ZFYVE28: variants seen among roughly 807,000 people sequenced by gnomAD.
The protein encoded by ZFYVE28 is zinc finger FYVE-type containing 28.
ZFYVE28 carries 40 observed loss-of-function variants against 82.1 expected under a neutral mutation model. The ratio of observed to expected loss-of-function variants is 0.49; its 90% confidence interval spans 0.38 to 0.63. The LOEUF (loss-of-function observed/expected upper bound fraction) is 0.63, where lower values mean the gene tolerates loss of function less well. ZFYVE28 is among the 30% of genes least tolerant of loss of function. The pLI is 0.00. For missense variants in ZFYVE28, 1,321 were observed against 1,242.1 expected, an observed-to-expected ratio of 1.06 and a Z score of -0.96; for synonymous variants, 612 against 546.1, an observed-to-expected ratio of 1.12 and a Z score of -1.68.
intron 7 of ZFYVE28, among the ~76,000 whole-genome samples, chr4:2,308,610 GAA>G (rs1298566984): frequency 1.5e-5 from 2 of 131,194 alleles, no homozygotes; most frequent in East Asian, 2.2e-4. Flanking sequence ...CAGAGAGAGA[GAA>G]AGAAAGAAAG....
At chr4:2,405,058 A>T (rs1731713722) in intron 1 of ZFYVE28, among the ~76,000 whole-genome samples, 1 of 152,016 alleles carries the variant, frequency 6.6e-6, no homozygotes, top group African/African-American at 2.4e-5. Context: ...AAAGATTAAA[A>T]TATATATATA....
chr4:2,290,228 C>T (rs1350950583), intron 8 of ZFYVE28, among the ~76,000 whole-genome samples: 1 of 152,212 alleles, frequency 6.6e-6, no homozygotes, highest in Non-Finnish European at 1.5e-5. Context: ...ATGGGGATGG[C>T]CCGGCAGTCC....
At chr4:2,345,870 G>A (rs1261278755) in intron 2 of ZFYVE28, among the ~76,000 whole-genome samples, 2 of 152,098 alleles carry the variant, frequency 1.3e-5, no homozygotes, top group Non-Finnish European at 1.5e-5. Context: ...ATACAAGTGA[G>A]AAGAGAATGA....
intron 7 of ZFYVE28, among the ~76,000 whole-genome samples, chr4:2,308,454 C>G (rs1463424493): frequency 7.1e-6 from 1 of 140,656 alleles, no homozygotes; most frequent in East Asian, 2.2e-4. Flanking sequence ...CCCCTTGCAT[C>G]TCCACATGCA....
chr4:2,301,206 G>A (rs917920716), intron 8 of ZFYVE28, among the ~76,000 whole-genome samples: 1 of 152,138 alleles, frequency 6.6e-6, no homozygotes, highest in Non-Finnish European at 1.5e-5. Context: ...GTGGGTCTCC[G>A]GTGCTTGGCC....
chr4:2,352,429 G>A (rs934517514), intron 2 of ZFYVE28, among the ~76,000 whole-genome samples: 19 of 151,870 alleles, frequency 1.3e-4, no homozygotes, highest in African/African-American at 3.1e-4. Context: ...AGGGGGAGGC[G>A]TGGAAGAGGG....
At position 2,372,820 on chromosome 4, in the gene ZFYVE28, C is replaced by G. The variant is rs1727712369; in HGVS notation, c.40-18747G>C. The stretch of plus-strand genomic sequence containing the variant: ...TGCACACCCCTAAGACCTAGCCTCC[C>G]CGAGGCCTCTCCCCATGGCTGACTC... On this transcript the variant is annotated intron_variant, in intron 1 of 12. Transcript: ENST00000290974. The surrounding 1 kb of genome is among the most constrained non-coding windows in gnomAD (Gnocchi z 5.2). Among the ~76,000 whole-genome samples the G allele has an allele frequency of 6.6e-6, 1 of 152,132 alleles. No homozygotes were observed. Among genetic ancestry groups the G allele is most frequent in the African/African-American group, 2.4e-5 (1 of 41,424 alleles).
chr4:2,381,471 A>C (rs1306923612), intron 1 of ZFYVE28, among the ~76,000 whole-genome samples: 1 of 152,174 alleles, frequency 6.6e-6, no homozygotes, highest in Non-Finnish European at 1.5e-5. Flanking sequence ...CAATGGTGTG[A>C]CCTTGGCTGA....
intron 8 of ZFYVE28, among the ~76,000 whole-genome samples, chr4:2,281,825 C>T (rs1391291348): frequency 1.3e-5 from 2 of 152,136 alleles, no homozygotes; most frequent in African/African-American, 2.4e-5. Context: ...ATGAGGAGGA[C>T]CTCAGGGGTA....
intron 2 of ZFYVE28, among the ~76,000 whole-genome samples, chr4:2,344,389 A>G (rs1329287361): frequency 6.6e-6 from 1 of 152,198 alleles, no homozygotes; most frequent in Non-Finnish European, 1.5e-5. Context: ...TATTGAGTAG[A>G]GTACCCAAAA....
rs114007943 is a variant in ZFYVE28 at position 2,289,710 on chromosome 4, T to A, written c.2051+14579A>T. 7.3e-3 allele frequency among the ~76,000 whole-genome samples: 1,118 copies of A among 152,270 alleles called. 9 individuals are homozygous for A. The highest frequency in any genetic ancestry group is 0.024 in the African/African-American group (982 of 41,526). ...CATTTTACAGACAAGTAAACTGAGG[T>A]GCTGGGAGGTTAAGTTCCCTGCCCA... is the stretch of plus-strand genomic sequence containing the variant. On this transcript the variant is annotated intron_variant, in intron 8 of 12. Transcript: ENST00000290974.
chr4:2,375,727 A>G (rs1043456156), intron 1 of ZFYVE28, among the ~76,000 whole-genome samples: 20 of 152,246 alleles, frequency 1.3e-4, no homozygotes, highest in African/African-American at 4.8e-4. Flanking sequence ...CCCCACACAC[A>G]AGGGGCATCC....
chr4:2,404,867 T>TCTTTTTC (rs1560349370), intron 1 of ZFYVE28, among the ~76,000 whole-genome samples: 1 of 145,444 alleles, frequency 6.9e-6, no homozygotes. Context: ...CTTTTTTTTT[T>TCTTTTTC]TTTTTTTTTT....
intron 1 of ZFYVE28, among the ~76,000 whole-genome samples, chr4:2,376,337 G>C (rs1233506448): frequency 8.2e-6 from 1 of 122,220 alleles, no homozygotes; most frequent in East Asian, 2.5e-4. Flanking sequence ...AGGAGTTTGA[G>C]ACCAGCCTGG....
intron 4 of ZFYVE28, among the ~76,000 whole-genome samples, chr4:2,338,549 T>C (rs147835691): frequency 0.19 from 28,290 of 151,696 alleles, 2,947 homozygotes; most frequent in African/African-American, 0.25. Context: ...GCTGAGATCG[T>C]GCCACTGCAC....
In ZFYVE28 at chr4:2,417,135, C is replaced by T. The variant is rs1230092880; in HGVS notation, c.39+1150G>A. On this transcript the variant is annotated intron_variant, in intron 1 of 12. Transcript: ENST00000290974. The surrounding 1 kb of genome is among the most constrained non-coding windows in gnomAD (Gnocchi z 4.8). ...GAGGGGTAGGTCGGCAACGCGGTGG[C>T]CTCGGACGTCCGAGCTGCCCGGACG... Among the ~76,000 whole-genome samples the T allele has an allele frequency of 6.6e-6, 1 of 152,170 alleles. No individual in the cohort carries two copies. The highest frequency in any genetic ancestry group is 1.5e-5 in the Non-Finnish European group (1 of 68,016).
chr4:2,321,825 G>T (rs547287402), intron 6 of ZFYVE28, among the ~76,000 whole-genome samples: 1 of 152,066 alleles, frequency 6.6e-6, no homozygotes, highest in Non-Finnish European at 1.5e-5. Context: ...TGGAAACCTC[G>T]CTCCTGCCTG....
intron 1 of ZFYVE28, among the ~76,000 whole-genome samples, chr4:2,407,992 T>A (rs1732105090): frequency 6.6e-6 from 1 of 152,224 alleles, no homozygotes; most frequent in Admixed American, 6.5e-5. Context: ...AACTTTCTAC[T>A]ATGAACTCCA....
intron 1 of ZFYVE28, among the ~76,000 whole-genome samples, chr4:2,398,102 T>A (rs1245475970): frequency 6.6e-6 from 1 of 151,996 alleles, no homozygotes; most frequent in Non-Finnish European, 1.5e-5. Flanking sequence ...AAGTGCAGCG[T>A]CAGGGCAGAG....
Sources: allele counts gnomAD v4.1 joint callset (sites outside exome capture counted in the v4.1 genomes callset), GRCh38; gene constraint gnomAD v4.1.1; non-coding constraint Gnocchi (gnomAD v3.1); transcripts MANE v1.5; gene names NCBI Gene and HGNC (gene_info 2026-07-23, HGNC 2026-07-21).